The following GNB1 variants were observed in gnomAD, a reference collection of about 807,000 sequenced individuals.
GNB1 encodes the protein guanine nucleotide-binding protein G(I)/G(S)/G(T) subunit beta-1.
Under a neutral mutation model 42.9 loss-of-function variants are expected in GNB1, and 2 were observed. The observed-to-expected ratio is 0.05, with a 90% CI of 0.02 to 0.15. The LOEUF is 0.15. Among genes scored for constraint, GNB1 ranks in the 10% least tolerant of loss-of-function variants. The pLI is 1.00. For missense variants in GNB1, 193 were observed against 462.2 expected, an observed-to-expected ratio of 0.42 and a Z score of 5.34; for synonymous variants, 183 against 174.7, an observed-to-expected ratio of 1.05 and a Z score of -0.38.
intron 6 of GNB1, among the ~76,000 whole-genome samples, chr1:1,806,240 T>G (rs901399270): frequency 1.3e-5 from 2 of 152,152 alleles, no homozygotes; most frequent in African/African-American, 4.8e-5. Flanking sequence ...TCCCACCAGC[T>G]TGGTAAGGAG....
At chr1:1,820,356 T>A (rs1184451330) in intron 3 of GNB1, among the ~76,000 whole-genome samples, 13 of 101,872 alleles carry the variant, frequency 1.3e-4, no homozygotes, top group Non-Finnish European at 2.4e-4. Flanking sequence ...AGACTCTGTT[T>A]AAAAAAAAAA....
chr1:1,826,173 T>C (rs370414492), intron 2 of GNB1, among the ~76,000 whole-genome samples: 1 of 152,192 alleles, frequency 6.6e-6, no homozygotes, highest in East Asian at 1.9e-4. Flanking sequence ...TCCCAACAAT[T>C]TGGGAGGCCA....
chr1:1,883,898 C>G (rs1557954258), intron 1 of GNB1, among the ~76,000 whole-genome samples: 1 of 151,888 alleles, frequency 6.6e-6, no homozygotes, highest in Non-Finnish European at 1.5e-5. Flanking sequence ...TTTAAAATTC[C>G]TATGAGAAAT....
rs1648075663 is a variant in GNB1, at chr1:1,853,008, C to A, written c.-95-13770G>T. Among the ~76,000 whole-genome samples the A allele has an allele frequency of 4.6e-5, 7 of 152,110 alleles. No homozygotes were observed. The South Asian group carries it at 1.5e-3, about 32-fold the overall frequency. ...CCTTTCAGATTCCACCAGTGTAAAG[C>A]AAGCCTCAGCACCCCTTTCCTTTCC... On this transcript the variant is annotated intron_variant, in intron 1 of 11. Coordinates refer to ENST00000378609, the MANE Select transcript of GNB1 (RefSeq NM_002074.5).
intron 1 of GNB1, among the ~76,000 whole-genome samples, chr1:1,858,349 TA>T (rs960826401): frequency 1.3e-5 from 2 of 152,228 alleles, no homozygotes; most frequent in African/African-American, 4.8e-5. Flanking sequence ...TTAACTATTT[TA>T]TTTTTTTTCA....
intron 1 of GNB1, among the ~76,000 whole-genome samples, chr1:1,887,895 G>A (rs1488873934): frequency 2.8e-4 from 43 of 152,180 alleles, no homozygotes; most frequent in Non-Finnish European, 4.4e-5. Context: ...GATTACAGGC[G>A]TGAGCCACCA....
At chr1:1,802,249 C>T (rs1646635794) in intron 7 of GNB1, among the ~76,000 whole-genome samples, 1 of 152,056 alleles carries the variant, frequency 6.6e-6, no homozygotes, top group African/African-American at 2.4e-5. Flanking sequence ...TTCCCATGTG[C>T]ACACAGCGCG....
At chr1:1,881,846 G>T (rs1172773491) in intron 1 of GNB1, among the ~76,000 whole-genome samples, 1 of 152,166 alleles carries the variant, frequency 6.6e-6, no homozygotes, top group African/African-American at 2.4e-5. Context: ...ACACAGTATT[G>T]TGCGGGGTGC....
rs866258803 is a variant in GNB1 at position 1,790,041 on chromosome 1, G to A, written c.699+354C>T. Among the ~76,000 whole-genome samples the A allele has an allele frequency of 6.6e-6, 1 of 152,164 alleles. No homozygotes were observed. The highest frequency in any genetic ancestry group is 1.5e-5 in the Non-Finnish European group (1 of 68,036). ...GGCTGGAAACACTGCCTAGCCATCC[G>A]CGTGCTAAAGAGGAGGGCAGGTTCC... is the stretch of plus-strand genomic sequence containing the variant. On this transcript the variant is annotated intron_variant, in intron 9 of 11. Transcript: ENST00000378609. This position sits in a 1 kb window ranked among gnomAD's most constrained non-coding sequence, Gnocchi z 5.4.
At chr1:1,877,337 A>ACC in intron 1 of GNB1, among the ~76,000 whole-genome samples, 1 of 150,044 alleles carries the variant, frequency 6.7e-6, no homozygotes, top group East Asian at 1.9e-4. Flanking sequence ...ATATACACAC[A>ACC]CACACAGAGT....
At chr1:1,813,675 GA>G (rs1430017232) in intron 5 of GNB1, among the ~76,000 whole-genome samples, 3 of 152,038 alleles carry the variant, frequency 2.0e-5, no homozygotes, top group Non-Finnish European at 4.4e-5. Context: ...ACTTTTTGTA[GA>G]GAAGGGGTCT....
chr1:1,814,531 G>A (rs1158650938), intron 5 of GNB1, among the ~76,000 whole-genome samples: 3 of 152,138 alleles, frequency 2.0e-5, no homozygotes, highest in Admixed American at 2.0e-4. Context: ...AGTGGTGGTG[G>A]CTCACACCTA....
intron 7 of GNB1, among the ~76,000 whole-genome samples, chr1:1,797,532 C>T (rs1174721784): frequency 1.3e-5 from 2 of 151,980 alleles, no homozygotes; most frequent in Non-Finnish European, 2.9e-5. Flanking sequence ...TCCGCCACCC[C>T]GGTTCAGCAC....
chr1:1,886,730 G>A (rs186637067), intron 1 of GNB1, among the ~76,000 whole-genome samples: 9 of 152,110 alleles, frequency 5.9e-5, no homozygotes, highest in Non-Finnish European at 1.2e-4. Flanking sequence ...TTTTTGAGAC[G>A]GAGTCTCGCT....
chr1:1,827,277 G>T (rs997780132), intron 2 of GNB1, among the ~76,000 whole-genome samples: 1 of 152,200 alleles, frequency 6.6e-6, no homozygotes, highest in Non-Finnish European at 1.5e-5. Flanking sequence ...GGCCTGCAAG[G>T]CATGCCCCGT....
At chr1:1,807,189 T>C (rs191868019) in intron 5 of GNB1, among the ~76,000 whole-genome samples, 1 of 151,848 alleles carries the variant, frequency 6.6e-6, no homozygotes, top group African/African-American at 2.4e-5. Flanking sequence ...CAAATCAAAT[T>C]AGAGGCTCAT....
chr1:1,865,566 A>G (rs1050067842), intron 1 of GNB1, among the ~76,000 whole-genome samples: 10 of 152,210 alleles, frequency 6.6e-5, no homozygotes, highest in African/African-American at 2.4e-5. Flanking sequence ...AACCTGGGCA[A>G]CAGAGTGAGA....
Position 1,815,792 on chromosome 1 carries a change from G to T in GNB1, c.167C>A (p.Ala56Asp). ...GCCCCAGTGCATGGCGTAGATCTTG[G>T]CCAGGTGCCCCCGCAGTGTCCTCCT... ...RTRRTLRGHL[A>D]KIYAMHWGTD... Residue 56 changes from alanine (A) to aspartate (D), a missense_variant, in exon 5 of 12, where the codon GCC becomes GAC. Transcript: ENST00000378609. The T allele has an allele frequency of 6.2e-7, 1 of 1,608,728 alleles. No individual in the cohort carries two copies. The highest frequency in any genetic ancestry group is 8.5e-7 in the Non-Finnish European group (1 of 1,175,060).
chr1:1,885,132 G>A (rs1650075913), intron 1 of GNB1, among the ~76,000 whole-genome samples: 1 of 151,782 alleles, frequency 6.6e-6, no homozygotes, highest in African/African-American at 2.4e-5. Flanking sequence ...TAAAAATTAA[G>A]CTGGGCACGG....
Sources: gnomAD v4.1 joint callset for allele counts (sites outside exome capture counted in the v4.1 genomes callset) on GRCh38, gnomAD v4.1.1 for gene constraint, Gnocchi (gnomAD v3.1) non-coding constraint, MANE v1.5 for transcripts, NCBI Gene and HGNC (gene_info 2026-07-23, HGNC 2026-07-21) for gene names.